Variants in HDAC6 observed in about 807,000 individuals in gnomAD.
HDAC6 encodes the protein histone deacetylase 6.
Under a neutral mutation model 88.9 loss-of-function variants are expected in HDAC6, and 5 were observed. That is an observed-to-expected ratio of 0.06 (90% CI 0.03 to 0.12). The LOEUF (loss-of-function observed/expected upper bound fraction) is 0.12. Ranked by LOEUF, HDAC6 falls within the 10% of genes least tolerant of loss-of-function variation. The pLI is 1.00. For missense variants in HDAC6, 706 were observed against 1,014.4 expected, an observed-to-expected ratio of 0.70 and a Z score of 4.13; for synonymous variants, 378 against 398.0, an observed-to-expected ratio of 0.95 and a Z score of 0.60.
chrX:48,824,603 C>A lies in HDAC6; in HGVS notation c.3639C>A (p.His1213Gln), dbSNP rs781860199. 1.7e-6 allele frequency: 2 copies of A among 1,207,987 alleles called. No individual in the cohort carries two copies. Among genetic ancestry groups the A allele is most frequent in the African/African-American group, 3.5e-5 (2 of 56,823 alleles). The change falls in exon 29 of 29, where the codon CAC becomes CAA. Residue 1213 changes from histidine to glutamine, a missense_variant. His to Gln is a conservative substitution (Grantham distance 24). Transcript: ENST00000334136. ...ACAAGTTTGGGGAGGATATGCCCCACCCACACTAAGCCCCAGAATACGGTC... is the reference window on the plus strand; with the variant it reads ...ACAAGTTTGGGGAGGATATGCCCCAACCACACTAAGCCCCAGAATACGGTC... ...HQNKFGEDMP[H>Q]PH
Position 48,816,622 on chromosome X carries a change from C to T in HDAC6, c.1780C>T (p.Leu594Phe). Residue 594 changes from leucine (L) to phenylalanine (F), a missense_variant, in exon 19 of 29, where the codon CTC (leucine) becomes TTC (phenylalanine). By Grantham distance (22) the Leu-to-Phe change is conservative. Transcript: ENST00000334136. ...TGCCTGCCGCCTGGTGGAGGCTGTG[C>T]TCTCAGGAGAGGTGTGTCCTCTGTG... ...GAACRLVEAV[L>F]SGEVLNGAAV... The T allele has an allele frequency of 8.3e-7, 1 of 1,209,863 alleles. No individual in the cohort carries two copies. The highest frequency in any genetic ancestry group is 1.1e-6 in the Non-Finnish European group (1 of 894,342).
intron 8 of HDAC6, chrX:48,806,974 A>C (rs1174632941): frequency 4.6e-6 from 1 of 215,597 alleles, no homozygotes; most frequent in Non-Finnish European, 8.4e-6. Context: ...TAAGGTGTAC[A>C]TTTTTTCATA....
chrX:48,817,578 G>C (rs1420618496), intron 20 of HDAC6, 119 bp downstream of exon 20: 3 of 698,238 alleles, frequency 4.3e-6, no homozygotes, highest in Non-Finnish European at 6.2e-6. Flanking sequence ...TCCCCAGAAA[G>C]AAGTAAGGGT....
chrX:48,808,382 G>T, intron 10 of HDAC6, 56 bp downstream of exon 10: 1 of 907,266 alleles, frequency 1.1e-6, no homozygotes, highest in Non-Finnish European at 1.6e-6. Context: ...CACCCTTACA[G>T]GCCCAGCCAG....
intron 22 of HDAC6, 97 bp from the exon 23 acceptor site, chrX:48,820,009 A>G (rs782653288): frequency 2.3e-6 from 2 of 874,463 alleles, no homozygotes; most frequent in East Asian, 3.1e-5. Flanking sequence ...CCATGTCTTC[A>G]TTTGTCCTTT....
At chrX:48,802,363 C>T (rs929368101) in intron 1 of HDAC6, 1 of 883,916 alleles carries the variant, frequency 1.1e-6, no homozygotes, top group South Asian at 3.0e-5. Flanking sequence ...TTGGAAAGGG[C>T]AGGCCCTAAG....
At chrX:48,821,340 G>C (rs2063077847) in intron 23 of HDAC6, among the ~76,000 whole-genome samples, 2 of 107,544 alleles carry the variant, frequency 1.9e-5, no homozygotes, top group Admixed American at 2.0e-4. Context: ...ACAGGTGCCT[G>C]CCACCACACC....
chrX:48,802,091 T>A lies in HDAC6; in HGVS notation c.-82T>A. 1.1e-6 allele frequency: 1 copy of A among 891,363 alleles called. No individual in the cohort carries two copies. Among genetic ancestry groups the A allele is most frequent in the Non-Finnish European group, 1.4e-6 (1 of 718,039 alleles). The allele number at this position is 891,363 out of a possible 1,213,427, so 73.5% of individuals were successfully genotyped here. A position where few individuals can be genotyped will look rare whatever the true frequency, so the allele number is the denominator to read the frequency against. ...TGGTTGAAGGAACGGGGCAGTCCCC[T>A]GAGGAGCGGGGCTGGTTGAAACGCT... On this transcript the variant is annotated 5_prime_UTR_variant, in exon 1 of 29. Coordinates refer to ENST00000334136, the MANE Select transcript of HDAC6 (RefSeq NM_006044.4).
In HDAC6 at chrX:48,806,449, A is replaced by G. The variant is rs1557024343; in HGVS notation, c.519A>G (p.Ser173=). Residue 173 remains serine, a synonymous_variant, in exon 7 of 29, where the codon TCA becomes TCG. Coordinates refer to ENST00000334136, the MANE Select transcript of HDAC6 (RefSeq NM_006044.4). ...ELRVLADTYD[S]VYLHPNSYSC... ...GTGTCCTAGCAGACACCTACGACTCAGTTTATCTGCATCCGGTATGGATGA... is the reference window on the plus strand; with the variant it reads ...GTGTCCTAGCAGACACCTACGACTCGGTTTATCTGCATCCGGTATGGATGA... 8.4e-7 allele frequency: 1 copy of G among 1,184,844 alleles called. No homozygotes were observed. Among genetic ancestry groups the G allele is most frequent in the South Asian group, 1.8e-5 (1 of 56,412 alleles).
chrX:48,802,733 G>C lies in HDAC6; in HGVS notation c.41G>C (p.Arg14Pro), dbSNP rs2062747176. ...CAGGATTCCACCACAACCAGGCAGC[G>C]AAGAAGTAGGCAGAACCCCCAGTCG... The part of the protein sequence containing the change: ...TGQDSTTTRQ[R>P]RSRQNPQSPP... The change falls in exon 2 of 29, where the codon CGA (arginine) becomes CCA (proline). Residue 14 changes from arginine (R) to proline (P), a missense_variant. Coordinates refer to ENST00000334136, the MANE Select transcript of HDAC6 (RefSeq NM_006044.4). 4.1e-6 allele frequency: 5 copies of C among 1,208,981 alleles called. No individual in the cohort carries two copies. The highest frequency in any genetic ancestry group is 5.6e-6 in the Non-Finnish European group (5 of 894,189).
intron 1 of HDAC6, chrX:48,802,419 G>C (rs1362151106): frequency 1.0e-6 from 1 of 963,927 alleles, no homozygotes; most frequent in Non-Finnish European, 1.3e-6. Context: ...GAAAGGGCAA[G>C]ACCAGGGAAA....
chrX:48,801,937 G>A, upstream of HDAC6: 3 of 971,773 alleles, frequency 3.1e-6, no homozygotes, highest in Non-Finnish European at 4.0e-6. Flanking sequence ...CGTCCAATGA[G>A]TGGAGCGGTG....
chrX:48,803,622 C>T (rs2062764206), intron 4 of HDAC6, among the ~76,000 whole-genome samples: 1 of 111,953 alleles, frequency 8.9e-6, no homozygotes, highest in Admixed American at 9.4e-5. Flanking sequence ...GACGTTTGTA[C>T]TGAAACAGAA....
Position 48,824,339 on chromosome X carries a change from A to C in HDAC6, c.3579+45A>C, listed in dbSNP as rs200736457. On this transcript the variant is annotated intron_variant, in intron 28 of 28. Coordinates refer to ENST00000334136, the MANE Select transcript of HDAC6 (RefSeq NM_006044.4). ...TTCGACACGTGCACACTCACCCCCC[A>C]CACACACACCCCTTCTGTGATTGGG... 340 of 1,153,472 alleles carry C rather than the reference A, an allele frequency of 2.9e-4. 1 individual carries two copies. Among genetic ancestry groups the C allele is most frequent in the Admixed American group, 1.0e-3 (44 of 43,412 alleles).
chrX:48,810,070 CT>C (rs782495768), intron 10 of HDAC6, among the ~76,000 whole-genome samples: 1,386 of 94,989 alleles, frequency 0.015, 10 homozygotes, highest in African/African-American at 0.026. Context: ...TCTTGGTGTT[CT>C]TTTTTTTTTT....
Position 48,808,070 on chromosome X carries a change from G to A in HDAC6, c.670G>A (p.Gly224Ser), listed in dbSNP as rs199882300. The A allele has an allele frequency of 4.6e-5, 55 of 1,206,141 alleles. No homozygotes were observed. Among genetic ancestry groups the A allele is most frequent in the Non-Finnish European group, 2.2e-6 (2 of 893,081 alleles). Residue 224 changes from glycine to serine, a missense_variant, in exon 9 of 29, where the codon GGC becomes AGC. Physicochemically the swap from Gly to Ser is moderately conservative, Grantham distance 56. Transcript: ENST00000334136. The part of the protein sequence containing the change: ...GHHAQHSLMD[G>S]YCMFNHVAVA... Reference sequence around the variant, plus strand: ...TCACGCCCAGCACAGTCTTATGGATGGCTATTGCATGTTCAACCACGTGGC... The same window carrying A: ...TCACGCCCAGCACAGTCTTATGGATAGCTATTGCATGTTCAACCACGTGGC...
chrX:48,817,671 A>C, intron 20 of HDAC6: 1 of 420,901 alleles, frequency 2.4e-6, no homozygotes, highest in Non-Finnish European at 4.1e-6. Flanking sequence ...TTACCTGGGC[A>C]CTTACAAAAC....
At chrX:48,819,419 C>T (rs1328512246) in intron 22 of HDAC6, 3 of 125,172 alleles carry the variant, frequency 2.4e-5, no homozygotes, top group Non-Finnish European at 3.3e-5. Flanking sequence ...ATATAAAACC[C>T]TGTATCTTGT....
intron 22 of HDAC6, chrX:48,819,546 C>CTTTT: frequency 8.0e-6 from 1 of 125,540 alleles, no homozygotes; most frequent in Non-Finnish European, 1.5e-5. Flanking sequence ...CCATCTGTCC[C>CTTTT]TTTTTTTTTT....
Sources: gnomAD v4.1 joint callset for allele counts (sites outside exome capture counted in the v4.1 genomes callset) on GRCh38, gnomAD v4.1.1 for gene constraint, MANE v1.5 for transcripts, NCBI Gene and HGNC (gene_info 2026-07-23, HGNC 2026-07-21) for gene names.